FAM81A: variants seen among roughly 807,000 people sequenced by gnomAD.
FAM81A encodes the protein protein FAM81A.
In FAM81A, 19 loss-of-function variants were observed where a neutral mutation model predicts 46.7. The observed-to-expected ratio is 0.41, with a 90% CI of 0.28 to 0.60. The LOEUF is 0.60. Among genes scored for constraint, FAM81A ranks in the 20% least tolerant of loss-of-function variants. The pLI is 0.34. For missense variants in FAM81A, 377 were observed against 453.5 expected, an observed-to-expected ratio of 0.83 and a Z score of 1.53; for synonymous variants, 183 against 152.9, an observed-to-expected ratio of 1.20 and a Z score of -1.45.
chr15:59,399,929 C>T (rs563772161), intron 1 of FAM81A, among the ~76,000 whole-genome samples: 1 of 152,298 alleles, frequency 6.6e-6, no homozygotes, highest in African/African-American at 2.4e-5. Flanking sequence ...CCTTCTTCAA[C>T]TAGACCAAAA....
At chr15:59,462,982 A>G (rs1397990232) in intron 3 of FAM81A, among the ~76,000 whole-genome samples, 1 of 152,166 alleles carries the variant, frequency 6.6e-6, no homozygotes, top group Non-Finnish European at 1.5e-5. Flanking sequence ...CGTTTTCCTA[A>G]TAGTGTCTTT....
At chr15:59,453,279 A>G (rs2081441046) in intron 1 of FAM81A, among the ~76,000 whole-genome samples, 1 of 152,172 alleles carries the variant, frequency 6.6e-6, no homozygotes, top group South Asian at 2.1e-4. Flanking sequence ...CTTCTTGGCC[A>G]TGTGATGTTG....
chr15:59,493,589 T>G lies in FAM81A; in HGVS notation c.413+1200T>G, dbSNP rs188302801. 1.4e-4 allele frequency among the ~76,000 whole-genome samples: 21 copies of G among 152,228 alleles called. No homozygotes were observed. In the East Asian group the frequency reaches 2.9e-3, roughly 21 times the overall value. ...CCTAGCATGCCTTTCCTCCTCCTTT[T>G]CTTTTCTTTTTATTTTTGAGACAAT... On this transcript the variant is annotated intron_variant, in intron 4 of 8. Transcript: ENST00000288228.
rs536615032 is a variant in FAM81A at position 59,514,902 on chromosome 15, C to G, written c.786+478C>G. Among the ~76,000 whole-genome samples, 804 of 152,226 alleles carry G rather than the reference C, an allele frequency of 5.3e-3. 5 individuals are homozygous for G. The highest frequency in any genetic ancestry group is 0.018 in the African/African-American group (763 of 41,510). On this transcript the variant is annotated intron_variant, in intron 7 of 8. Coordinates refer to ENST00000288228, the MANE Select transcript of FAM81A (RefSeq NM_152450.3). ...TTCCCCATTTTCCTTCTCCTTCATCCCAGTCTCTCACAGAGCTAAGGTTTG... is the reference window on the plus strand; with the variant it reads ...TTCCCCATTTTCCTTCTCCTTCATCGCAGTCTCTCACAGAGCTAAGGTTTG...
intron 2 of FAM81A, among the ~76,000 whole-genome samples, chr15:59,412,539 A>C (rs2081126024): frequency 6.6e-6 from 1 of 152,138 alleles, no homozygotes; most frequent in African/African-American, 2.4e-5. Flanking sequence ...TAGCCTCGGC[A>C]ACATGGCGAA....
chr15:59,401,034 G>C (rs566885675), intron 1 of FAM81A, among the ~76,000 whole-genome samples: 1 of 152,152 alleles, frequency 6.6e-6, no homozygotes, highest in Non-Finnish European at 1.5e-5. Flanking sequence ...TTTGAAGTTA[G>C]AGTCCTAAAG....
chr15:59,442,787 G>A (rs1420863722), intron 1 of FAM81A, among the ~76,000 whole-genome samples: 2 of 151,960 alleles, frequency 1.3e-5, no homozygotes, highest in Admixed American at 6.6e-5. Context: ...GTGTGTCTGT[G>A]TATCTGTGTG....
At chr15:59,508,774 A>C (rs2082174982) in intron 5 of FAM81A, 89 bp from the exon 6 acceptor site, 1 of 831,244 alleles carries the variant, frequency 1.2e-6, no homozygotes, top group South Asian at 1.7e-5. Flanking sequence ...TCTTAATGCC[A>C]TTGACTACAA....
chr15:59,492,681 G>A (rs377261995), intron 4 of FAM81A, among the ~76,000 whole-genome samples: 9 of 152,108 alleles, frequency 5.9e-5, no homozygotes, highest in East Asian at 5.8e-4. Flanking sequence ...TATCGAATCC[G>A]AAAATATAAA....
intron 3 of FAM81A, among the ~76,000 whole-genome samples, chr15:59,466,430 T>C (rs192524449): frequency 1.3e-5 from 2 of 152,356 alleles, no homozygotes; most frequent in East Asian, 3.9e-4. Context: ...TCTTTGCGGT[T>C]TTGATTTGCA....
At chr15:59,484,424 G>A (rs2081892481) in intron 3 of FAM81A, among the ~76,000 whole-genome samples, 1 of 152,164 alleles carries the variant, frequency 6.6e-6, no homozygotes, top group African/African-American at 2.4e-5. Context: ...CACAGTACCT[G>A]ATTTTAACAT....
chr15:59,474,704 A>T (rs1177936742), intron 3 of FAM81A, among the ~76,000 whole-genome samples: 1 of 152,248 alleles, frequency 6.6e-6, no homozygotes, highest in East Asian at 1.9e-4. Context: ...ATATGCTGGT[A>T]GCAAAAAGGA....
intron 3 of FAM81A, among the ~76,000 whole-genome samples, chr15:59,468,101 T>C (rs889743836): frequency 2.0e-5 from 3 of 152,212 alleles, no homozygotes; most frequent in Non-Finnish European, 4.4e-5. Context: ...TGCTGCTGGA[T>C]TCGGTTTGCC....
chr15:59,409,244 G>T (rs1483806169), intron 2 of FAM81A, among the ~76,000 whole-genome samples: 1 of 152,178 alleles, frequency 6.6e-6, no homozygotes, highest in East Asian at 1.9e-4. Context: ...TGACACTGGG[G>T]CTCTCACTCT....
chr15:59,405,054 A>C (rs2081088179), intron 2 of FAM81A, among the ~76,000 whole-genome samples: 1 of 152,188 alleles, frequency 6.6e-6, no homozygotes, highest in Non-Finnish European at 1.5e-5. Flanking sequence ...TCTTTCTTCC[A>C]AGCTTTGTTT....
In FAM81A at chr15:59,492,354, C is replaced by T; in HGVS notation, c.378C>T (p.Leu126=). ...TAAAGACCCTGGAGATGCGCCAGCT[C>T]TCCGGTTTGGGAGATCTTCGAGGAA... ...SALKTLEMRQ[L]SGLGDLRGRV... The change falls in exon 4 of 9, where the codon CTC becomes CTT. Residue 126 remains leucine, a synonymous_variant. Transcript: ENST00000288228. 1 of 1,613,782 alleles carries T rather than the reference C, an allele frequency of 6.2e-7. No homozygotes were observed. Among genetic ancestry groups the T allele is most frequent in the Non-Finnish European group, 8.5e-7 (1 of 1,179,828 alleles).
At chr15:59,422,630 C>T (rs1420379074) in intron 2 of FAM81A, among the ~76,000 whole-genome samples, 2 of 152,034 alleles carry the variant, frequency 1.3e-5, no homozygotes, top group African/African-American at 4.8e-5. Flanking sequence ...GTGCCTGCCA[C>T]CACGCTCAGC....
At position 59,511,473 on chromosome 15, in the gene FAM81A, C is replaced by G. The variant is rs77921804; in HGVS notation, c.650+2504C>G. On this transcript the variant is annotated intron_variant, in intron 6 of 8. Transcript: ENST00000288228. ...CACATCAGATATGTGAAAGTGTTAG[C>G]AAGGATGTGGGGAACAGGACCTCTT... is the stretch of plus-strand genomic sequence containing the variant. 7.6e-3 allele frequency among the ~76,000 whole-genome samples: 1,163 copies of G among 152,192 alleles called. 7 individuals carry two copies. The highest frequency in any genetic ancestry group is 0.012 in the South Asian group (57 of 4,816).
At chr15:59,459,197 G>C (rs909249118) in intron 2 of FAM81A, among the ~76,000 whole-genome samples, 4 of 151,946 alleles carry the variant, frequency 2.6e-5, no homozygotes, top group African/African-American at 9.7e-5. Flanking sequence ...ATAGGGTCTC[G>C]TTGTGTTGCC....
Sources: allele counts gnomAD v4.1 joint callset (sites outside exome capture counted in the v4.1 genomes callset), GRCh38; gene constraint gnomAD v4.1.1; transcripts MANE v1.5; gene names NCBI Gene and HGNC (gene_info 2026-07-23, HGNC 2026-07-21).